The following KIAA1217 variants were observed in gnomAD, a reference collection of about 807,000 sequenced individuals.
The protein encoded by KIAA1217 is sickle tail protein homolog.
A neutral mutation model predicts 163.9 loss-of-function variants in KIAA1217; 88 were observed. The ratio of observed to expected loss-of-function variants is 0.54; its 90% CI spans 0.45 to 0.64. The LOEUF is 0.64. KIAA1217 is among the 30% of genes least tolerant of loss of function. The pLI, the probability that KIAA1217 is intolerant of heterozygous loss-of-function variation, is 0.00. For missense variants in KIAA1217, 2,372 were observed against 2,475.0 expected (o/e 0.96, Z 0.88); for synonymous variants, 903 against 923.1 (o/e 0.98, Z 0.39).
chr10:24,059,291 G>A (rs771294095), intron 2 of KIAA1217, among the ~76,000 whole-genome samples: 4 of 151,918 alleles, frequency 2.6e-5, no homozygotes, highest in South Asian at 4.2e-4. Context: ...GTATTTTGTC[G>A]GGGGTTGTTT....
chr10:24,361,106 TCTC>T (rs890408330), intron 2 of KIAA1217, among the ~76,000 whole-genome samples: 38 of 152,246 alleles, frequency 2.5e-4, no homozygotes, highest in African/African-American at 8.9e-4. Flanking sequence ...TGTATATCCT[TCTC>T]CTATTTTTTT....
chr10:23,729,988 G>A (rs185539499), intron 1 of KIAA1217, among the ~76,000 whole-genome samples: 2 of 151,640 alleles, frequency 1.3e-5, no homozygotes, highest in African/African-American at 2.4e-5. Flanking sequence ...TGCAAGCTCC[G>A]CCTCCCAGGT....
intron 1 of KIAA1217, among the ~76,000 whole-genome samples, chr10:23,872,997 A>G (rs1215971373): frequency 6.6e-6 from 1 of 152,196 alleles, no homozygotes; most frequent in Non-Finnish European, 1.5e-5. Context: ...GAAAGAAATG[A>G]CAAAAGTCTG....
chr10:24,087,571 GATAA>G (rs2131673361), intron 2 of KIAA1217, among the ~76,000 whole-genome samples: 1 of 152,268 alleles, frequency 6.6e-6, no homozygotes, highest in Admixed American at 6.5e-5. Context: ...TGAGTTAACT[GATAA>G]ATAAATGAAT....
intron 2 of KIAA1217, among the ~76,000 whole-genome samples, chr10:24,267,890 T>A (rs746741123): frequency 1.4e-4 from 22 of 152,214 alleles, no homozygotes; most frequent in Non-Finnish European, 2.8e-4. Flanking sequence ...TATTGAAATT[T>A]GGGTGTGGGT....
At chr10:23,894,760 C>T (rs1266687797) in intron 1 of KIAA1217, among the ~76,000 whole-genome samples, 1 of 150,006 alleles carries the variant, frequency 6.7e-6, no homozygotes, top group African/African-American at 2.5e-5. Context: ...GCTACAGTAA[C>T]CAAAACAGCA....
intron 2 of KIAA1217, among the ~76,000 whole-genome samples, chr10:24,338,303 C>CTGCATAGATGTGTCTGAAGTGCAGACACT (rs1175427922): frequency 6.6e-6 from 1 of 152,202 alleles, no homozygotes; most frequent in East Asian, 1.9e-4. Flanking sequence ...CAGGTGCATC[C>CTGCATAGATGTGTCTGAAGTGCAGACACT]TCTGGTGTCT....
At chr10:24,363,042 C>T (rs1388042221) in intron 2 of KIAA1217, among the ~76,000 whole-genome samples, 1 of 152,086 alleles carries the variant, frequency 6.6e-6, no homozygotes, top group Non-Finnish European at 1.5e-5. Flanking sequence ...CCTGATGTTA[C>T]TCCCTAGAGA....
At chr10:24,535,970 G>A (rs773144326) in intron 16 of KIAA1217, among the ~76,000 whole-genome samples, 2 of 151,976 alleles carry the variant, frequency 1.3e-5, no homozygotes, top group Admixed American at 1.3e-4. Flanking sequence ...GCCTGGTTGA[G>A]AACCACTGTT....
chr10:24,480,322 C>T (rs1364840062), intron 6 of KIAA1217, among the ~76,000 whole-genome samples: 1 of 152,232 alleles, frequency 6.6e-6, no homozygotes, highest in Non-Finnish European at 1.5e-5. Flanking sequence ...GTTATTACCT[C>T]CATTCTGCCC....
chr10:24,085,150 G>T (rs954098328), intron 2 of KIAA1217, among the ~76,000 whole-genome samples: 7 of 152,098 alleles, frequency 4.6e-5, no homozygotes, highest in Admixed American at 4.6e-4. Flanking sequence ...TCCTGACCGC[G>T]TGATCCGCCT....
At chr10:23,965,889 A>G (rs1170935113) in intron 1 of KIAA1217, among the ~76,000 whole-genome samples, 1 of 152,184 alleles carries the variant, frequency 6.6e-6, no homozygotes, top group East Asian at 1.9e-4. Context: ...AATGCCCACT[A>G]ACTTTCAGCA....
intron 2 of KIAA1217, among the ~76,000 whole-genome samples, chr10:24,258,708 T>C (rs1313330036): frequency 6.6e-6 from 1 of 151,696 alleles, no homozygotes; most frequent in Admixed American, 6.6e-5. Context: ...TTCTCCTGCC[T>C]CACCCTCTCA....
intron 2 of KIAA1217, chr10:24,275,687 T>G (rs1423137243): frequency 1.9e-6 from 1 of 513,182 alleles, no homozygotes. Flanking sequence ...GCAGGCAAGA[T>G]TGATGCTGTT....
At chr10:23,907,883 C>T (rs1842237329) in intron 1 of KIAA1217, among the ~76,000 whole-genome samples, 1 of 151,062 alleles carries the variant, frequency 6.6e-6, no homozygotes, top group Admixed American at 6.6e-5. Context: ...AAACAATGAA[C>T]AAGAAAAAAC....
At chr10:24,185,547 C>A (rs900461914) in intron 2 of KIAA1217, among the ~76,000 whole-genome samples, 5 of 152,156 alleles carry the variant, frequency 3.3e-5, no homozygotes, top group Non-Finnish European at 7.3e-5. Flanking sequence ...GTAATCCCAG[C>A]ACTTTGGGAG....
In KIAA1217 at chr10:24,473,874, C is replaced by A; in HGVS notation, c.1493C>A (p.Thr498Asn). 1 of 1,614,162 alleles carries A rather than the reference C, an allele frequency of 6.2e-7. No homozygotes were observed. Among genetic ancestry groups the A allele is most frequent in the East Asian group, 2.2e-5 (1 of 44,856 alleles). ...AHYNAHGPPH[T>N]MQPDRASPSR... The stretch of plus-strand genomic sequence containing the variant: ...TATAATGCCCACGGCCCCCCTCACA[C>A]CATGCAGCCAGACCGGGCCTCTCCG... The change falls in exon 6 of 21, where the codon ACC becomes AAC. Residue 498 changes from threonine to asparagine, a missense_variant. By Grantham distance (65) the Thr-to-Asn change is moderately conservative. Coordinates refer to ENST00000376454, the MANE Select transcript of KIAA1217 (RefSeq NM_019590.5).
chr10:24,469,560 G>T (rs573722071), intron 5 of KIAA1217, among the ~76,000 whole-genome samples: 5 of 152,308 alleles, frequency 3.3e-5, no homozygotes, highest in Admixed American at 3.3e-4. Context: ...AGGGAATAGT[G>T]ACTGACCTAG....
At chr10:24,101,722 A>C (rs2062424434) in intron 2 of KIAA1217, among the ~76,000 whole-genome samples, 1 of 152,154 alleles carries the variant, frequency 6.6e-6, no homozygotes, top group African/African-American at 2.4e-5. Context: ...TGATAATTTC[A>C]TAATGTTTAG....
Sources: gnomAD v4.1 joint callset for allele counts (sites outside exome capture counted in the v4.1 genomes callset) on GRCh38, gnomAD v4.1.1 for gene constraint, MANE v1.5 for transcripts, NCBI Gene and HGNC (gene_info 2026-07-23, HGNC 2026-07-21) for gene names.